LRP1B: variants seen among roughly 807,000 people sequenced by gnomAD.
The protein encoded by LRP1B is low-density lipoprotein receptor-related protein 1B.
LRP1B carries 217 observed loss-of-function variants against 556.6 expected under a neutral mutation model. The ratio of observed to expected loss-of-function variants is 0.39; its 90% CI spans 0.35 to 0.44. LRP1B has a LOEUF of 0.44. LRP1B is among the 20% of genes least tolerant of loss of function. The pLI is 1.00. For missense variants in LRP1B, 5,053 were observed against 5,620.8 expected (o/e 0.90, Z 3.23); for synonymous variants, 2,047 against 1,865.8 (o/e 1.10, Z -2.50).
At chr2:140,380,695 C>T (rs750165569) in intron 67 of LRP1B, among the ~76,000 whole-genome samples, 4 of 152,048 alleles carry the variant, frequency 2.6e-5, no homozygotes, top group Non-Finnish European at 2.9e-5. Context: ...TTCTAATTTG[C>T]CTTTATCCTA....
intron 55 of LRP1B, among the ~76,000 whole-genome samples, chr2:140,497,021 A>G (rs1296257544): frequency 6.6e-6 from 1 of 151,724 alleles, no homozygotes; most frequent in Non-Finnish European, 1.5e-5. Flanking sequence ...AAATCAGGAA[A>G]CAATTTATGG....
intron 83 of LRP1B, among the ~76,000 whole-genome samples, chr2:140,306,698 G>A (rs943290298): frequency 1.3e-5 from 2 of 151,774 alleles, no homozygotes; most frequent in Admixed American, 1.3e-4. Context: ...CCTTCTGCTA[G>A]CTTTTGAATG....
intron 7 of LRP1B, among the ~76,000 whole-genome samples, chr2:141,133,304 T>C (rs574705722): frequency 1.3e-3 from 192 of 142,854 alleles, no homozygotes; most frequent in African/African-American, 4.7e-3. Flanking sequence ...TTTTTTTTTT[T>C]CCACAATACT....
intron 4 of LRP1B, among the ~76,000 whole-genome samples, chr2:141,251,063 C>A (rs1684242612): frequency 6.6e-6 from 1 of 152,010 alleles, no homozygotes; most frequent in Non-Finnish European, 1.5e-5. Flanking sequence ...TGTGGAAACT[C>A]TAGGAAAAGA....
intron 14 of LRP1B, among the ~76,000 whole-genome samples, chr2:141,007,712 G>T (rs1697619470): frequency 6.6e-6 from 1 of 151,444 alleles, no homozygotes; most frequent in African/African-American, 2.4e-5. Flanking sequence ...AATATATAAA[G>T]AATTTAAACA....
intron 7 of LRP1B, among the ~76,000 whole-genome samples, chr2:141,096,847 AC>A (rs1268907513): frequency 6.6e-6 from 1 of 152,166 alleles, no homozygotes; most frequent in Non-Finnish European, 1.5e-5. Context: ...AAAAAGAAAT[AC>A]ACTTCCGGAG....
intron 77 of LRP1B, among the ~76,000 whole-genome samples, chr2:140,346,901 A>G (rs896160775): frequency 6.6e-6 from 1 of 151,992 alleles, no homozygotes; most frequent in Non-Finnish European, 1.5e-5. Flanking sequence ...ATCAGTAAAA[A>G]TCATGTTTAT....
intron 1 of LRP1B, among the ~76,000 whole-genome samples, chr2:141,857,618 T>C (rs1698103235): frequency 1.3e-5 from 2 of 152,162 alleles, no homozygotes; most frequent in South Asian, 4.1e-4. Flanking sequence ...ATTACAGGCA[T>C]GAGCCACAGC....
chr2:140,971,943 G>C (rs968039205), intron 18 of LRP1B, among the ~76,000 whole-genome samples: 2 of 152,186 alleles, frequency 1.3e-5, no homozygotes, highest in Non-Finnish European at 2.9e-5. Context: ...AGGAGCCTTG[G>C]AATCTTTATC....
At chr2:141,006,394 G>T (rs745930647) in intron 14 of LRP1B, among the ~76,000 whole-genome samples, 18 of 151,984 alleles carry the variant, frequency 1.2e-4, no homozygotes, top group Non-Finnish European at 1.8e-4. Context: ...CTATCTAGCT[G>T]TAACGTTGTA....
At chr2:141,632,069 A>G (rs889445196) in intron 2 of LRP1B, among the ~76,000 whole-genome samples, 3 of 151,926 alleles carry the variant, frequency 2.0e-5, no homozygotes, top group African/African-American at 7.3e-5. Context: ...GACCACAGGT[A>G]TACATAACCA....
intron 1 of LRP1B, among the ~76,000 whole-genome samples, chr2:142,072,438 G>C (rs1705352169): frequency 6.6e-6 from 1 of 151,886 alleles, no homozygotes; most frequent in Admixed American, 6.6e-5. Context: ...CTAGTCAATT[G>C]CCAAACCAGA....
intron 43 of LRP1B, among the ~76,000 whole-genome samples, chr2:140,589,910 T>C (rs1435273046): frequency 6.6e-6 from 1 of 152,132 alleles, no homozygotes; most frequent in Non-Finnish European, 1.5e-5. Context: ...ATCATTGGAA[T>C]GAAGGAAATG....
intron 66 of LRP1B, 147 bp downstream of exon 66, chr2:140,442,356 GT>G (rs1277037613): frequency 9.8e-7 from 1 of 1,015,520 alleles, no homozygotes; most frequent in Non-Finnish European, 1.4e-6. Context: ...GCTAACCTAA[GT>G]TTTTATGAAT....
intron 72 of LRP1B, among the ~76,000 whole-genome samples, chr2:140,360,795 A>G (rs1682467546): frequency 6.6e-6 from 1 of 151,596 alleles, no homozygotes; most frequent in African/African-American, 2.4e-5. Context: ...GTGAATTTCA[A>G]CAAATTTCTA....
intron 41 of LRP1B, among the ~76,000 whole-genome samples, chr2:140,653,261 G>A (rs543287561): frequency 2.2e-4 from 34 of 152,028 alleles, no homozygotes; most frequent in South Asian, 8.3e-4. Context: ...TAAAAAGATA[G>A]GAAATAGATA....
chr2:141,916,359 A>ATTTATTTATTTC (rs1293990626), intron 1 of LRP1B, among the ~76,000 whole-genome samples: 2 of 149,246 alleles, frequency 1.3e-5, no homozygotes, highest in African/African-American at 4.9e-5. Flanking sequence ...TTATTTATTT[A>ATTTATTTATTTC]TTTATTTATT....
chr2:141,139,658 C>A (rs1326788848), intron 7 of LRP1B, among the ~76,000 whole-genome samples: 4 of 151,882 alleles, frequency 2.6e-5, no homozygotes, highest in African/African-American at 9.6e-5. Context: ...AATTACATAT[C>A]TATTAGAATA....
chr2:140,344,203 G>C (rs984781010), intron 77 of LRP1B, among the ~76,000 whole-genome samples: 1 of 151,738 alleles, frequency 6.6e-6, no homozygotes, highest in African/African-American at 2.4e-5. Flanking sequence ...GGACTTTGAG[G>C]AAACAGTATA....
Sources: gnomAD v4.1 joint callset for allele counts (sites outside exome capture counted in the v4.1 genomes callset) on GRCh38, gnomAD v4.1.1 for gene constraint, MANE v1.5 for transcripts, NCBI Gene and HGNC (gene_info 2026-07-23, HGNC 2026-07-21) for gene names.